Variants in CACNA1C observed in about 807,000 individuals in gnomAD.
CACNA1C encodes the protein voltage-dependent L-type calcium channel subunit alpha-1C.
CACNA1C carries 30 observed loss-of-function variants against 229.0 expected under a neutral mutation model. The ratio of observed to expected loss-of-function variants is 0.13; its 90% CI spans 0.10 to 0.18. CACNA1C has a LOEUF of 0.18. CACNA1C is among the 10% of genes least tolerant of loss of function. The probability of loss-of-function intolerance (pLI) is 1.00; values close to 1 mark genes in which losing one functional copy is unlikely to be tolerated. For synonymous variants in CACNA1C, 1,114 were observed against 1,132.5 expected, an observed-to-expected ratio of 0.98 and a Z score of 0.33; for missense variants, 1,658 against 2,845.0, an observed-to-expected ratio of 0.58 and a Z score of 9.49.
At chr12:2,452,943 A>G (rs570231895) in intron 4 of CACNA1C, among the ~76,000 whole-genome samples, 1 of 152,250 alleles carries the variant, frequency 6.6e-6, no homozygotes, top group East Asian at 1.9e-4. Flanking sequence ...TCCCTTGTGG[A>G]GAAAGAAGCC....
Position 2,137,460 on chromosome 12 carries a change from C to T in CACNA1C, c.477+17030C>T, listed in dbSNP as rs1012074417. Among the ~76,000 whole-genome samples, 7 of 150,896 alleles carry T rather than the reference C, an allele frequency of 4.6e-5. 1 individual carries two copies. Among genetic ancestry groups the T allele is most frequent in the Non-Finnish European group, 1.0e-4 (7 of 67,542 alleles). ...CATTAGCTGGGCATGGTGGCTTGCA[C>T]CTGTAGTTTTAGCTGCTTGGGAGGC... is the stretch of plus-strand genomic sequence containing the variant. On this transcript the variant is annotated intron_variant, in intron 3 of 46. Transcript: ENST00000399655.
intron 1 of CACNA1C, among the ~76,000 whole-genome samples, chr12:2,074,253 G>A (rs2062381612): frequency 6.6e-6 from 1 of 152,148 alleles, no homozygotes; most frequent in African/African-American, 2.4e-5. Flanking sequence ...TATTTTTAAA[G>A]GTGAATTAAT....
At position 2,566,438 on chromosome 12, in the gene CACNA1C, T is replaced by C; in HGVS notation, c.1525T>C (p.Trp509Arg). ...CCTTTCCAGCCGCTACTGGCGCCGG[T>C]GGAATCGGTTCTGCAGAAGGAAGTG... is the stretch of plus-strand genomic sequence containing the variant. The part of the protein sequence containing the change: ...KSKFSRYWRR[W>R]NRFCRRKCRA... The change falls in exon 12 of 47, where the codon TGG becomes CGG. Residue 509 changes from tryptophan (W) to arginine (R), a missense_variant. Around this residue, in one of 20 missense-constraint regions of CACNA1C, gnomAD observed 149 missense variants for 194.2 expected, o/e 0.77. Transcript: ENST00000399655. The surrounding 1 kb of genome is among the most constrained non-coding windows in gnomAD (Gnocchi z 4.0). 1.3e-6 allele frequency: 2 copies of C among 1,594,490 alleles called. No homozygotes were observed. Among genetic ancestry groups the C allele is most frequent in the Admixed American group, 1.7e-5 (1 of 57,660 alleles).
chr12:2,316,714 A>G (rs1339734521), intron 3 of CACNA1C, among the ~76,000 whole-genome samples: 1 of 152,242 alleles, frequency 6.6e-6, no homozygotes, highest in East Asian at 1.9e-4. Flanking sequence ...TCATTAGTTC[A>G]CCAACAGAAA....
chr12:1,991,180 G>T (rs973467851), intron 1 of CACNA1C: 1 of 456,174 alleles, frequency 2.2e-6, no homozygotes, highest in Non-Finnish European at 4.4e-6. Context: ...AAAAGCAACG[G>T]AAGTGAAATC....
In CACNA1C at chr12:2,567,639, G is replaced by T. The variant is rs1373658871; in HGVS notation, c.1740G>T (p.Leu580=). Residue 580 remains leucine (L), a synonymous_variant, in exon 13 of 47, where the codon CTG becomes CTT. Coordinates refer to ENST00000399655, the MANE Select transcript of CACNA1C (RefSeq NM_000719.7). Reference sequence around the variant, plus strand: ...TCCTGAAGATGTACAGCCTGGGCCTGCAGGCCTACTTCGTGTCCCTCTTCA... The same window carrying T: ...TCCTGAAGATGTACAGCCTGGGCCTTCAGGCCTACTTCGTGTCCCTCTTCA... The part of the protein sequence containing the change: ...EMLLKMYSLG[L]QAYFVSLFNR... 1.9e-6 allele frequency: 3 copies of T among 1,612,424 alleles called. No individual in the cohort carries two copies. The highest frequency in any genetic ancestry group is 2.5e-6 in the Non-Finnish European group (3 of 1,179,236).
intron 3 of CACNA1C, among the ~76,000 whole-genome samples, chr12:2,360,154 CCA>C (rs2097518268): frequency 1.8e-5 from 2 of 109,174 alleles, no homozygotes; most frequent in African/African-American, 4.3e-5. Context: ...CAAACACACC[CCA>C]CCCCCCCCCA....
chr12:2,146,756 G>A lies in CACNA1C; in HGVS notation c.477+26326G>A, dbSNP rs191448340. Among the ~76,000 whole-genome samples, 334 of 151,360 alleles carry A rather than the reference G, an allele frequency of 2.2e-3. 21 individuals are homozygous for A. The highest frequency in any genetic ancestry group is 0.014 in the South Asian group (65 of 4,724). On this transcript the variant is annotated intron_variant, in intron 3 of 46. Coordinates refer to ENST00000399655, the MANE Select transcript of CACNA1C (RefSeq NM_000719.7). ...CAGAGCGTCACACAACCAAACTCGC[G>A]TAGCCTTCTTCACCCTTTCCCCTCT... is the stretch of plus-strand genomic sequence containing the variant.
At chr12:1,978,389 TAACC>T (rs1334294928) in intron 1 of CACNA1C, among the ~76,000 whole-genome samples, 2 of 152,228 alleles carry the variant, frequency 1.3e-5, no homozygotes, top group Admixed American at 6.5e-5. Context: ...TGTAATATTC[TAACC>T]AACACAGCAG....
intron 3 of CACNA1C, among the ~76,000 whole-genome samples, chr12:2,179,577 T>C (rs117361030): frequency 0.028 from 4,268 of 152,152 alleles, 101 homozygotes; most frequent in Non-Finnish European, 0.046. Flanking sequence ...CGTTAGAAAA[T>C]ATTATTGCAA....
chr12:2,240,598 T>C (rs2069571773), intron 3 of CACNA1C, among the ~76,000 whole-genome samples: 1 of 152,142 alleles, frequency 6.6e-6, no homozygotes, highest in African/African-American at 2.4e-5. Flanking sequence ...TTTCATAAGA[T>C]CTGGGAGGCC....
At position 2,152,447 on chromosome 12, in the gene CACNA1C, G is replaced by A. The variant is rs1253959790; in HGVS notation, c.477+32017G>A. Reference sequence around the variant, plus strand: ...TTTCCCTTTCTCCCTCTGCAGGCGTGTTGCCGTCATGGTGAGGAGCCATTT... The same window carrying A: ...TTTCCCTTTCTCCCTCTGCAGGCGTATTGCCGTCATGGTGAGGAGCCATTT... On this transcript the variant is annotated intron_variant, in intron 3 of 46. Transcript: ENST00000399655. The surrounding 1 kb of genome is among the most constrained non-coding windows in gnomAD (Gnocchi z 4.2). Among the ~76,000 whole-genome samples the A allele has an allele frequency of 1.3e-5, 2 of 152,222 alleles. No individual in the cohort carries two copies. Among genetic ancestry groups the A allele is most frequent in the African/African-American group, 4.8e-5 (2 of 41,458 alleles).
At chr12:2,161,086 T>C (rs549569644) in intron 3 of CACNA1C, among the ~76,000 whole-genome samples, 2 of 152,348 alleles carry the variant, frequency 1.3e-5, no homozygotes, top group African/African-American at 4.8e-5. Flanking sequence ...TCCCAAAGTG[T>C]TGGGATAACA....
intron 3 of CACNA1C, among the ~76,000 whole-genome samples, chr12:2,169,889 G>A (rs2096404150): frequency 6.6e-6 from 1 of 152,184 alleles, no homozygotes; most frequent in Non-Finnish European, 1.5e-5. Context: ...GGTTGATTGA[G>A]GAGCACATTA....
At chr12:2,571,280 G>A (rs1160386986) in intron 13 of CACNA1C, among the ~76,000 whole-genome samples, 5 of 152,182 alleles carry the variant, frequency 3.3e-5, no homozygotes, top group Non-Finnish European at 7.3e-5. Context: ...GCACTGCAGA[G>A]CTGAGAGCTG....
chr12:2,195,273 A>C (rs1047990042), intron 3 of CACNA1C, among the ~76,000 whole-genome samples: 1 of 152,148 alleles, frequency 6.6e-6, no homozygotes, highest in African/African-American at 2.4e-5. Flanking sequence ...GGAGGACCTC[A>C]CCACGCCCCT....
intron 3 of CACNA1C, among the ~76,000 whole-genome samples, chr12:2,329,858 T>C (rs1459813167): frequency 6.6e-6 from 1 of 152,228 alleles, no homozygotes; most frequent in Non-Finnish European, 1.5e-5. Context: ...TGCTGCAGAA[T>C]GGCAGCCACT....
intron 29 of CACNA1C, among the ~76,000 whole-genome samples, chr12:2,628,376 G>C (rs531315660): frequency 2.6e-5 from 4 of 152,252 alleles, no homozygotes; most frequent in Admixed American, 1.3e-4. Context: ...GCACCCTGTC[G>C]CCAATCCCAA....
chr12:2,483,244 A>T (rs1201919125), intron 5 of CACNA1C, among the ~76,000 whole-genome samples: 2 of 152,216 alleles, frequency 1.3e-5, no homozygotes, highest in Non-Finnish European at 2.9e-5. Flanking sequence ...GTCATTTGAG[A>T]CCAAACTGGG....
Sources: gnomAD v4.1 joint callset for allele counts (sites outside exome capture counted in the v4.1 genomes callset) on GRCh38, gnomAD v4.1.1 for gene constraint, gnomAD v4.1.1 regional missense constraint, Gnocchi (gnomAD v3.1) non-coding constraint, MANE v1.5 for transcripts, NCBI Gene and HGNC (gene_info 2026-07-23, HGNC 2026-07-21) for gene names.